Variants in RYR3 observed in about 807,000 individuals in gnomAD.
RYR3 encodes brain ryanodine receptor-calcium release channel.
RYR3 carries 207 observed loss-of-function variants against 584.3 expected under a neutral mutation model. That is an observed-to-expected ratio of 0.35 (90% confidence interval 0.32 to 0.40). RYR3 has a LOEUF of 0.40. Ranked by LOEUF, RYR3 falls within the 10% of genes least tolerant of loss-of-function variation. The probability of loss-of-function intolerance (pLI) is 1.00; values close to 1 mark genes in which losing one functional copy is unlikely to be tolerated. For synonymous variants in RYR3, 2,416 were observed against 2,248.5 expected, an observed-to-expected ratio of 1.07 and a Z score of -2.11; for missense variants, 5,616 against 6,089.2, an observed-to-expected ratio of 0.92 and a Z score of 2.59.
rs1970319751 is a variant in RYR3 at position 33,331,044 on chromosome 15, T to C, written c.51+19948T>C. On this transcript the variant is annotated intron_variant, in intron 1 of 103. Transcript: ENST00000634891. ...CAGTGACAGAACTTTGTTTGTTTGT[T>C]TGGTTGGTTGGTTGGTTGGTTTTTG... 1.3e-5 allele frequency among the ~76,000 whole-genome samples: 2 copies of C among 152,106 alleles called. 1 individual carries two copies. Among genetic ancestry groups the C allele is most frequent in the Non-Finnish European group, 2.9e-5 (2 of 67,990 alleles).
chr15:33,604,796 T>C (rs1170072354), intron 18 of RYR3, among the ~76,000 whole-genome samples: 6 of 152,334 alleles, frequency 3.9e-5, no homozygotes, highest in Admixed American at 6.5e-5. Context: ...TAAGCTTAGG[T>C]TATCATCAGA....
intron 16 of RYR3, among the ~76,000 whole-genome samples, chr15:33,595,413 G>T (rs2059323729): frequency 6.6e-6 from 1 of 152,138 alleles, no homozygotes; most frequent in Admixed American, 6.5e-5. Flanking sequence ...AATGCTTCAA[G>T]AAAACCTTGT....
At chr15:33,740,437 C>T (rs2069968364) in intron 51 of RYR3, among the ~76,000 whole-genome samples, 1 of 152,152 alleles carries the variant, frequency 6.6e-6, no homozygotes, top group South Asian at 2.1e-4. Context: ...GATGGCAGAA[C>T]AGTGTGGGGT....
At chr15:33,485,023 CAAT>C (rs1480248482) in intron 2 of RYR3, among the ~76,000 whole-genome samples, 5 of 151,916 alleles carry the variant, frequency 3.3e-5, no homozygotes, top group Non-Finnish European at 7.4e-5. Flanking sequence ...TGGGAAATGT[CAAT>C]AATTAAAAAT....
At position 33,636,478 on chromosome 15, in the gene RYR3, A is replaced by T. The variant is rs761610569; in HGVS notation, c.3484A>T (p.Thr1162Ser). 6.2e-7 allele frequency: 1 copy of T among 1,613,422 alleles called. No homozygotes were observed. The highest frequency in any genetic ancestry group is 2.2e-5 in the East Asian group (1 of 44,856). Reference sequence around the variant, plus strand: ...CCTGGATGATGCTTCAATGATCTTCACACTGAATGGGGAGCTGCTGATCAC... The same window carrying T: ...CCTGGATGATGCTTCAATGATCTTCTCACTGAATGGGGAGCTGCTGATCAC... ...INLDDASMIF[T>S]LNGELLITNK... is the part of the protein sequence containing the mutation. Residue 1162 changes from threonine (T) to serine (S), a missense_variant, in exon 27 of 104, where the codon ACA (threonine) becomes TCA (serine). Coordinates refer to ENST00000634891, the MANE Select transcript of RYR3 (RefSeq NM_001036.6).
intron 45 of RYR3, among the ~76,000 whole-genome samples, chr15:33,725,976 CAAAAAAAAA>C (rs61503360): frequency 3.2e-4 from 10 of 31,516 alleles, no homozygotes; most frequent in Non-Finnish European, 5.9e-4. Context: ...TCCCCCCCCC[CAAAAAAAAA>C]AAAAAAAAAA....
intron 1 of RYR3, among the ~76,000 whole-genome samples, chr15:33,379,379 C>T (rs1023541731): frequency 6.6e-6 from 1 of 152,120 alleles, no homozygotes; most frequent in African/African-American, 2.4e-5. Flanking sequence ...GGGATTGGAA[C>T]AAAATGGACA....
At chr15:33,548,234 A>T in intron 9 of RYR3, 30 bp downstream of exon 9, 1 of 1,410,158 alleles carries the variant, frequency 7.1e-7, no homozygotes, top group South Asian at 1.2e-5. Flanking sequence ...TGCCCTTTTC[A>T]AGATTACTTT....
intron 38 of RYR3, among the ~76,000 whole-genome samples, chr15:33,675,700 TGCA>T (rs1181576820): frequency 6.6e-6 from 1 of 152,246 alleles, no homozygotes; most frequent in African/African-American, 2.4e-5. Flanking sequence ...AGTTAATATG[TGCA>T]AATTGCTTAA....
At chr15:33,628,825 G>A (rs759835484) in intron 21 of RYR3, among the ~76,000 whole-genome samples, 6 of 152,202 alleles carry the variant, frequency 3.9e-5, no homozygotes, top group Non-Finnish European at 7.4e-5. Flanking sequence ...CAGAAAAAAA[G>A]TTGTCATCTC....
chr15:33,430,749 TCTTG>T (rs2045073290), intron 1 of RYR3, among the ~76,000 whole-genome samples: 1 of 152,220 alleles, frequency 6.6e-6, no homozygotes, highest in Non-Finnish European at 1.5e-5. Flanking sequence ...ACTACTATCT[TCTTG>T]CTTATCACGT....
At chr15:33,794,601 G>A (rs1331927523) in intron 67 of RYR3, among the ~76,000 whole-genome samples, 1 of 152,092 alleles carries the variant, frequency 6.6e-6, no homozygotes, top group Non-Finnish European at 1.5e-5. Context: ...GACAGAGTAT[G>A]TTGTACTTAT....
chr15:33,549,298 C>A (rs1396172735), intron 9 of RYR3, among the ~76,000 whole-genome samples: 2 of 152,178 alleles, frequency 1.3e-5, no homozygotes, highest in Non-Finnish European at 2.9e-5. Flanking sequence ...ATTGCTTGCT[C>A]ATTTCCCCAG....
At chr15:33,678,387 C>T (rs2064335507) in intron 38 of RYR3, among the ~76,000 whole-genome samples, 1 of 152,210 alleles carries the variant, frequency 6.6e-6, no homozygotes, top group Admixed American at 6.5e-5. Flanking sequence ...TCTCTCTCTC[C>T]TGCTCTGCCA....
At chr15:33,410,955 A>G (rs555347474) in intron 1 of RYR3, among the ~76,000 whole-genome samples, 9 of 152,324 alleles carry the variant, frequency 5.9e-5, no homozygotes, top group African/African-American at 2.2e-4. Context: ...TTATAAAACC[A>G]TAAGATCTCG....
Position 33,755,162 on chromosome 15 carries a change from G to T in RYR3, c.8497G>T (p.Glu2833Ter), listed in dbSNP as rs757350249. 2 of 1,604,880 alleles carry T rather than the reference G, an allele frequency of 1.2e-6. No homozygotes were observed. Among genetic ancestry groups the T allele is most frequent in the Non-Finnish European group, 1.7e-6 (2 of 1,172,726 alleles). The change falls in exon 58 of 104, where the codon GAA becomes TAA. Residue 2833 changes from glutamate (E) to a stop codon, truncating the protein, a stop_gained. Coordinates refer to ENST00000634891, the MANE Select transcript of RYR3 (RefSeq NM_001036.6). LOFTEE classifies it high-confidence loss of function. ...KILKYVDSAQ[E>*]FIAHLEAIVS... ...CCTGAAATACGTTGATTCTGCTCAA[G>T]AATTTATTGCCCATTTAGGTAAGTA...
intron 3 of RYR3, among the ~76,000 whole-genome samples, chr15:33,525,516 T>C (rs962669431): frequency 6.6e-6 from 1 of 152,202 alleles, no homozygotes; most frequent in Non-Finnish European, 1.5e-5. Flanking sequence ...TTACAAATAT[T>C]AATGTTCTCA....
Position 33,669,281 on chromosome 15 carries a change from G to A in RYR3, c.5620-73G>A, listed in dbSNP as rs570746042. ...AAATTTGAAAAGAATGTAAGTGTCT[G>A]TCTAAGGCAGGATCTGAGTTCCCTT... On this transcript the variant is annotated intron_variant, in intron 36 of 103. Transcript: ENST00000634891. The A allele has an allele frequency of 8.2e-6, 10 of 1,215,246 alleles. No homozygotes were observed. The African/African-American group carries it at 1.0e-4, about 13-fold the overall frequency. The allele number at this position is 1,215,246 out of a possible 1,614,324, so 75.3% of individuals were successfully genotyped here.
chr15:33,563,451 A>C (rs921546874), intron 11 of RYR3, among the ~76,000 whole-genome samples: 6 of 152,210 alleles, frequency 3.9e-5, no homozygotes, highest in African/African-American at 1.4e-4. Flanking sequence ...GAAAGAAGGG[A>C]TGTTGTGGAA....
Sources: allele counts gnomAD v4.1 joint callset (sites outside exome capture counted in the v4.1 genomes callset), GRCh38; gene constraint gnomAD v4.1.1; transcripts MANE v1.5; gene names NCBI Gene and HGNC (gene_info 2026-07-23, HGNC 2026-07-21).